Variants in SLC25A33 observed in about 807,000 individuals in gnomAD.
The protein encoded by SLC25A33 is solute carrier family 25 member 33, also known as bone marrow stromal cell mitochondrial carrier protein.
In SLC25A33, 15 loss-of-function variants were observed where a neutral mutation model predicts 35.5. The ratio of observed to expected loss-of-function variants is 0.42; its 90% CI spans 0.28 to 0.65. SLC25A33 has a LOEUF of 0.65. Among genes scored for constraint, SLC25A33 ranks in the 30% least tolerant of loss-of-function variants. The pLI, the probability that SLC25A33 is intolerant of heterozygous loss-of-function variation, is 0.20. For missense variants in SLC25A33, 257 were observed against 398.5 expected, an observed-to-expected ratio of 0.64 and a Z score of 3.02; for synonymous variants, 136 against 148.7, an observed-to-expected ratio of 0.91 and a Z score of 0.62.
At chr1:9,544,379 G>T (rs556365846) in intron 1 of SLC25A33, among the ~76,000 whole-genome samples, 3 of 150,210 alleles carry the variant, frequency 2.0e-5, no homozygotes, top group Non-Finnish European at 4.4e-5. Flanking sequence ...AGCAATTCTC[G>T]TGCCTCAGCC....
At chr1:9,568,573 C>T (rs548460767) in intron 3 of SLC25A33, among the ~76,000 whole-genome samples, 3 of 152,212 alleles carry the variant, frequency 2.0e-5, no homozygotes, top group East Asian at 1.9e-4. Context: ...GAAGTCTGGC[C>T]GGGTGCGGTG....
At chr1:9,546,273 C>T (rs1037639666) in intron 1 of SLC25A33, among the ~76,000 whole-genome samples, 2 of 142,798 alleles carry the variant, frequency 1.4e-5, no homozygotes, top group Admixed American at 7.4e-5. Context: ...CAAACTCCAT[C>T]TCCCGGGTTC....
chr1:9,563,149 C>A (rs901851277), intron 2 of SLC25A33, among the ~76,000 whole-genome samples: 1 of 152,072 alleles, frequency 6.6e-6, no homozygotes, highest in African/African-American at 2.4e-5. Flanking sequence ...CGGTCTCGAT[C>A]TCCTGACCTC....
intron 3 of SLC25A33, among the ~76,000 whole-genome samples, chr1:9,569,081 A>G (rs1161870428): frequency 6.6e-6 from 1 of 151,934 alleles, no homozygotes; most frequent in Non-Finnish European, 1.5e-5. Flanking sequence ...CCCCATCTCT[A>G]CAAAAATACA....
chr1:9,582,449 T>G lies in SLC25A33; in HGVS notation c.914T>G (p.Val305Gly), dbSNP rs1313928379. 6.2e-7 allele frequency: 1 copy of G among 1,613,836 alleles called. No homozygotes were observed. The highest frequency in any genetic ancestry group is 8.5e-7 in the Non-Finnish European group (1 of 1,179,870). Reference sequence around the variant, plus strand: ...CGGCAGATCCCAAATACTGCCATTGTGTTGTCTACTTATGAGTTAATTGTG... The same window carrying G: ...CGGCAGATCCCAAATACTGCCATTGGGTTGTCTACTTATGAGTTAATTGTG... The part of the protein sequence containing the change: ...LIRQIPNTAI[V>G]LSTYELIVYL... The change falls in exon 7 of 7, where the codon GTG becomes GGG. Residue 305 changes from valine to glycine, a missense_variant. Physicochemically the swap from Val to Gly is moderately radical, Grantham distance 109. Transcript: ENST00000302692. This position sits in a 1 kb window ranked among gnomAD's most constrained non-coding sequence, Gnocchi z 4.0.
intron 1 of SLC25A33, among the ~76,000 whole-genome samples, chr1:9,545,122 T>G (rs1569840273): frequency 6.6e-6 from 1 of 152,260 alleles, no homozygotes; most frequent in East Asian, 1.9e-4. Context: ...TATCTTCATG[T>G]AATAAATACA....
intron 6 of SLC25A33, among the ~76,000 whole-genome samples, chr1:9,581,558 GTC>G (rs1383228347): frequency 1.3e-5 from 2 of 151,842 alleles, no homozygotes; most frequent in Non-Finnish European, 2.9e-5. Flanking sequence ...GCGAAACCCC[GTC>G]TCTACTAAAA....
At chr1:9,546,570 T>C (rs1476111261) in intron 1 of SLC25A33, among the ~76,000 whole-genome samples, 1 of 152,110 alleles carries the variant, frequency 6.6e-6, no homozygotes, top group African/African-American at 2.4e-5. Flanking sequence ...ACGTCCAGGG[T>C]ATTTCCTCAG....
intron 1 of SLC25A33, among the ~76,000 whole-genome samples, chr1:9,553,214 T>C (rs868785810): frequency 5.6e-4 from 77 of 136,594 alleles, no homozygotes; most frequent in African/African-American, 2.0e-3. Flanking sequence ...TTTTTTTTTT[T>C]TTTTTTTTTT....
At chr1:9,573,098 T>C (rs993225064) in intron 4 of SLC25A33, among the ~76,000 whole-genome samples, 1 of 152,058 alleles carries the variant, frequency 6.6e-6, no homozygotes, top group African/African-American at 2.4e-5. Context: ...CACCTACAGG[T>C]TGAAAAGACT....
At chr1:9,575,731 A>G (rs1256852426) in intron 5 of SLC25A33, among the ~76,000 whole-genome samples, 1 of 152,134 alleles carries the variant, frequency 6.6e-6, no homozygotes, top group Non-Finnish European at 1.5e-5. Context: ...GAGTCACTTG[A>G]CTCCAAGTTC....
In SLC25A33 at chr1:9,539,479, C is replaced by G. The variant is rs1299697032; in HGVS notation, c.-213C>G. On this transcript the variant is annotated 5_prime_UTR_variant, in exon 1 of 7. Transcript: ENST00000302692. ...CGCCGGGCTCTAGCTCCCCGCCGGG[C>G]TCGCGCCGCAGAGGCCGGTGAGGCG... 2 of 193,066 alleles carry G rather than the reference C, an allele frequency of 1.0e-5. No homozygotes were observed. Among genetic ancestry groups the G allele is most frequent in the East Asian group, 1.5e-4 (1 of 6,844 alleles). The allele number at this position is 193,066 out of a possible 1,614,324, so 12.0% of individuals were successfully genotyped here.
intron 3 of SLC25A33, among the ~76,000 whole-genome samples, chr1:9,568,351 G>C (rs550745748): frequency 6.6e-6 from 1 of 152,220 alleles, no homozygotes; most frequent in Non-Finnish European, 1.5e-5. Flanking sequence ...TGAGGCAGGA[G>C]AATTGCTTGA....
chr1:9,559,551 T>TG (rs1288228621), intron 2 of SLC25A33, among the ~76,000 whole-genome samples: 6 of 149,420 alleles, frequency 4.0e-5, no homozygotes, highest in Non-Finnish European at 8.9e-5. Flanking sequence ...AAAAAAAAGG[T>TG]GGGGGGGAAT....
intron 1 of SLC25A33, among the ~76,000 whole-genome samples, chr1:9,541,435 C>T (rs1557521771): frequency 1.3e-5 from 2 of 152,170 alleles, no homozygotes; most frequent in Non-Finnish European, 2.9e-5. Context: ...AAGTGTGAGC[C>T]ACTGCGCCCG....
chr1:9,553,827 C>T (rs1430299260), intron 2 of SLC25A33, 22 bp downstream of exon 2: 9 of 1,597,366 alleles, frequency 5.6e-6, no homozygotes, highest in Non-Finnish European at 7.7e-6. Context: ...CTTGTCTGCT[C>T]CTGCCACCTG....
intron 2 of SLC25A33, among the ~76,000 whole-genome samples, chr1:9,555,110 C>CTTTTTTTTTTT (rs1172100444): frequency 1.1e-5 from 1 of 91,178 alleles, no homozygotes; most frequent in Non-Finnish European, 2.0e-5. Context: ...GCATTTAGCA[C>CTTTTTTTTTTT]TTTTTTTTTT....
rs1451074616 is a variant in SLC25A33 at position 9,582,486 on chromosome 1, A to G, written c.951A>G (p.Glu317=). The G allele has an allele frequency of 1.2e-6, 2 of 1,613,146 alleles. No homozygotes were observed. Among genetic ancestry groups the G allele is most frequent in the Admixed American group, 3.3e-5 (2 of 59,876 alleles). ...STYELIVYLL[E]DRTQ ...ATGAGTTAATTGTGTACCTGTTAGA[A>G]GACCGTACTCAGTAACAGGCCGGAA... The change falls in exon 7 of 7, where the codon GAA becomes GAG. Residue 317 remains glutamate, a synonymous_variant. Coordinates refer to ENST00000302692, the MANE Select transcript of SLC25A33 (RefSeq NM_032315.3). This position sits in a 1 kb window ranked among gnomAD's most constrained non-coding sequence, Gnocchi z 4.0.
chr1:9,558,646 T>G (rs532819840), intron 2 of SLC25A33, among the ~76,000 whole-genome samples: 1 of 152,340 alleles, frequency 6.6e-6, no homozygotes, highest in African/African-American at 2.4e-5. Flanking sequence ...TAGTCATCCT[T>G]GGATCTTATT....
Sources: gnomAD v4.1 joint callset for allele counts (sites outside exome capture counted in the v4.1 genomes callset) on GRCh38, gnomAD v4.1.1 for gene constraint, Gnocchi (gnomAD v3.1) non-coding constraint, MANE v1.5 for transcripts, NCBI Gene and HGNC (gene_info 2026-07-23, HGNC 2026-07-21) for gene names.